Variants in NEK11 observed in about 807,000 individuals in gnomAD.
NEK11 encodes the protein NIMA related kinase 11.
In NEK11, 72 loss-of-function variants were observed where a neutral mutation model predicts 80.7. The observed-to-expected ratio is 0.89, with a 90% CI of 0.74 to 1.08. NEK11 has a LOEUF of 1.08. Among genes scored for constraint, NEK11 ranks in the 50% least tolerant of loss-of-function variants. NEK11 has a pLI of 0.00. For missense variants in NEK11, 764 were observed against 763.6 expected, an observed-to-expected ratio of 1.00 and a Z score of -0.01; for synonymous variants, 251 against 260.7, an observed-to-expected ratio of 0.96 and a Z score of 0.36.
intron 5 of NEK11, among the ~76,000 whole-genome samples, chr3:131,115,914 CTT>C (rs1240097958): frequency 3.0e-5 from 2 of 67,552 alleles, no homozygotes; most frequent in Admixed American, 1.6e-4. Context: ...TTCTTTCTTT[CTT>C]TCTTTCTTTC....
chr3:131,233,552 AG>A (rs1265967714), intron 15 of NEK11, among the ~76,000 whole-genome samples: 1 of 152,184 alleles, frequency 6.6e-6, no homozygotes. Context: ...GCAGAGATAA[AG>A]GAGAAGGTGA....
At chr3:131,241,779 A>T (rs1489577095) in intron 15 of NEK11, among the ~76,000 whole-genome samples, 1 of 152,130 alleles carries the variant, frequency 6.6e-6, no homozygotes, top group Non-Finnish European at 1.5e-5. Context: ...TGCATATAGC[A>T]TACATATATA....
At chr3:131,118,713 G>T (rs990806056) in intron 5 of NEK11, among the ~76,000 whole-genome samples, 1 of 152,280 alleles carries the variant, frequency 6.6e-6, no homozygotes, top group Admixed American at 6.5e-5. Context: ...GGGTGTATGT[G>T]TCCAGGAATT....
At chr3:131,127,807 A>G (rs16835935) in intron 5 of NEK11, among the ~76,000 whole-genome samples, 2,153 of 140,954 alleles carry the variant, frequency 0.015, 48 homozygotes, top group African/African-American at 0.053. Flanking sequence ...CTAATGAGGA[A>G]CTGAAATAGT....
intron 3 of NEK11, among the ~76,000 whole-genome samples, chr3:131,077,784 T>C (rs1160109429): frequency 6.6e-6 from 1 of 152,206 alleles, no homozygotes; most frequent in African/African-American, 2.4e-5. Flanking sequence ...AAAAAAAGTG[T>C]CTTGTATGTC....
intron 3 of NEK11, among the ~76,000 whole-genome samples, chr3:131,061,336 G>C (rs1422141166): frequency 6.6e-6 from 1 of 152,190 alleles, no homozygotes; most frequent in African/African-American, 2.4e-5. Context: ...GTTGAGTTTA[G>C]CTGGCCCATC....
chr3:131,349,633 G>A lies in NEK11; in HGVS notation c.1795G>A (p.Ala599Thr). The change falls in exon 18 of 18, where the codon GCT becomes ACT. Residue 599 changes from alanine to threonine, a missense_variant. Physicochemically the swap from Ala to Thr is moderately conservative, Grantham distance 58 (BLOSUM62 0). Transcript: ENST00000383366. Reference protein sequence around the residue: ...NYLKRARHQNASEAEIRECLE... With the variant: ...NYLKRARHQNTSEAEIRECLE... ...CCTCAAGAGAGCAAGGCATCAGAATGCTAGCGAAGCAGAGATCCGCGAGTG... is the reference window on the plus strand; with the variant it reads ...CCTCAAGAGAGCAAGGCATCAGAATACTAGCGAAGCAGAGATCCGCGAGTG... 1 of 1,614,182 alleles carries A rather than the reference G, an allele frequency of 6.2e-7. No individual in the cohort carries two copies. Among genetic ancestry groups the A allele is most frequent in the Non-Finnish European group, 8.5e-7 (1 of 1,180,028 alleles).
At chr3:131,262,069 T>G (rs1030107191) in intron 16 of NEK11, among the ~76,000 whole-genome samples, 2 of 151,942 alleles carry the variant, frequency 1.3e-5, no homozygotes, top group African/African-American at 4.8e-5. Context: ...AAGATTCAAA[T>G]TAATACATCA....
At chr3:131,297,166 G>T (rs1389474364) in intron 17 of NEK11, among the ~76,000 whole-genome samples, 3 of 151,880 alleles carry the variant, frequency 2.0e-5, no homozygotes, top group African/African-American at 7.2e-5. Context: ...TAGTCCTTTG[G>T]GTATATACCC....
intron 17 of NEK11, among the ~76,000 whole-genome samples, chr3:131,292,515 CTT>C (rs60196110): frequency 2.7e-4 from 37 of 136,164 alleles, no homozygotes; most frequent in Non-Finnish European, 2.2e-4. Flanking sequence ...GAACTAACAT[CTT>C]TTTTTTTTTT....
intron 3 of NEK11, chr3:131,054,654 G>A (rs1182738821): frequency 6.6e-6 from 1 of 151,892 alleles, no homozygotes; most frequent in East Asian, 1.9e-4. Flanking sequence ...CTGCTTGGGA[G>A]GCTGAGGTGG....
intron 14 of NEK11, among the ~76,000 whole-genome samples, chr3:131,179,406 T>C (rs751360785): frequency 6.6e-6 from 1 of 152,188 alleles, no homozygotes; most frequent in Non-Finnish European, 1.5e-5. Flanking sequence ...CTGAAAAATA[T>C]GAGCTGGAAG....
At chr3:131,214,852 C>T (rs2094766640) in intron 14 of NEK11, among the ~76,000 whole-genome samples, 1 of 152,030 alleles carries the variant, frequency 6.6e-6, no homozygotes, top group African/African-American at 2.4e-5. Flanking sequence ...TTTAGCCCTC[C>T]AGAAAGGGTC....
At chr3:131,047,197 G>T (rs80189957) in intron 3 of NEK11, among the ~76,000 whole-genome samples, 2,764 of 151,656 alleles carry the variant, frequency 0.018, 31 homozygotes, top group Non-Finnish European at 0.022. Flanking sequence ...ATCATTTTTT[G>T]ATTTCATTAA....
At chr3:131,262,767 GC>G (rs2095953747) in intron 16 of NEK11, among the ~76,000 whole-genome samples, 1 of 152,004 alleles carries the variant, frequency 6.6e-6, no homozygotes, top group South Asian at 2.1e-4. Flanking sequence ...GCACCCATCA[GC>G]CCGTCATCTA....
chr3:131,113,598 T>C (rs528497217), intron 5 of NEK11, among the ~76,000 whole-genome samples: 73 of 152,160 alleles, frequency 4.8e-4, no homozygotes, highest in African/African-American at 1.7e-3. Flanking sequence ...CCTGCATTCT[T>C]TCCTGAATTT....
chr3:131,109,575 T>C, intron 4 of NEK11: 2 of 414,706 alleles, frequency 4.8e-6, no homozygotes. Flanking sequence ...AAACTATTAA[T>C]AGATTCGTGT....
intron 14 of NEK11, among the ~76,000 whole-genome samples, chr3:131,176,813 G>A (rs1156244113): frequency 6.6e-6 from 1 of 152,056 alleles, no homozygotes; most frequent in Non-Finnish European, 1.5e-5. Flanking sequence ...TAAGTAAACC[G>A]CCTGGGAAGG....
chr3:131,160,428 G>T (rs2091378944), intron 10 of NEK11, among the ~76,000 whole-genome samples: 1 of 152,152 alleles, frequency 6.6e-6, no homozygotes, highest in Admixed American at 6.5e-5. Flanking sequence ...CCTGAAGGAA[G>T]CACTAAATAT....
Sources: allele counts gnomAD v4.1 joint callset (sites outside exome capture counted in the v4.1 genomes callset), GRCh38; gene constraint gnomAD v4.1.1; transcripts MANE v1.5; gene names NCBI Gene and HGNC (gene_info 2026-07-23, HGNC 2026-07-21).